Variants in ARHGAP6 observed in about 807,000 individuals in gnomAD.
The protein encoded by ARHGAP6 is Rho GTPase activating protein 6, also known as rho GTPase-activating protein 6.
A neutral mutation model predicts 55.7 loss-of-function variants in ARHGAP6; 16 were observed. That is an observed-to-expected ratio of 0.29 (90% CI 0.19 to 0.44). The LOEUF is 0.44. Ranked by LOEUF, ARHGAP6 falls within the 20% of genes least tolerant of loss-of-function variation. ARHGAP6 has a pLI of 1.00. For missense variants in ARHGAP6, 698 were observed against 808.9 expected, an observed-to-expected ratio of 0.86 and a Z score of 1.66; for synonymous variants, 382 against 360.9, an observed-to-expected ratio of 1.06 and a Z score of -0.66.
chrX:11,252,218 CAG>C (rs2047432786), intron 2 of ARHGAP6, among the ~76,000 whole-genome samples: 1 of 112,702 alleles, frequency 8.9e-6, no homozygotes, highest in African/African-American at 3.2e-5. Flanking sequence ...AACAAAGCCA[CAG>C]AGAGTATCTG....
chrX:11,211,867 G>C (rs1003191343), intron 2 of ARHGAP6, among the ~76,000 whole-genome samples: 1 of 111,756 alleles, frequency 8.9e-6, no homozygotes, highest in Non-Finnish European at 1.9e-5. Flanking sequence ...AATTGTATAT[G>C]GTAGAGGAAG....
chrX:11,349,020 T>C (rs2048822507), intron 1 of ARHGAP6, among the ~76,000 whole-genome samples: 1 of 108,820 alleles, frequency 9.2e-6, no homozygotes, highest in Non-Finnish European at 1.9e-5. Flanking sequence ...CCCTTAGATA[T>C]GTGGATAACT....
intron 1 of ARHGAP6, among the ~76,000 whole-genome samples, chrX:11,660,903 C>T (rs759847344): frequency 1.8e-5 from 2 of 111,159 alleles, no homozygotes; most frequent in Non-Finnish European, 3.8e-5. Context: ...AATCATCACC[C>T]GCCCCTCTCT....
chrX:11,444,131 C>T (rs1409615497), intron 1 of ARHGAP6, among the ~76,000 whole-genome samples: 1 of 111,611 alleles, frequency 9.0e-6, no homozygotes, highest in African/African-American at 3.3e-5. Flanking sequence ...GCCAGAGAGA[C>T]CACATTTTAG....
intron 1 of ARHGAP6, among the ~76,000 whole-genome samples, chrX:11,626,077 T>C (rs762900234): frequency 2.2e-4 from 25 of 111,623 alleles, no homozygotes; most frequent in Non-Finnish European, 2.5e-4. Context: ...ACTGACAAAC[T>C]AGTAAAATGG....
chrX:11,213,711 A>G (rs1242063887), intron 2 of ARHGAP6, among the ~76,000 whole-genome samples: 2 of 111,909 alleles, frequency 1.8e-5, no homozygotes, highest in African/African-American at 6.5e-5. Context: ...ACACAGGAAC[A>G]TAGAGAGTGG....
chrX:11,521,964 G>T (rs185636999), intron 1 of ARHGAP6, among the ~76,000 whole-genome samples: 12 of 111,404 alleles, frequency 1.1e-4, no homozygotes, highest in East Asian at 8.4e-4. Flanking sequence ...CTGTTTCTCT[G>T]TTATTGGTGT....
At position 11,417,734 on chromosome X, in the gene ARHGAP6, T is replaced by C. The variant is rs141492828; in HGVS notation, c.589-163027A>G. 1.2e-3 allele frequency among the ~76,000 whole-genome samples: 134 copies of C among 111,577 alleles called. 3 individuals are homozygous for C. The East Asian group carries it at 0.022, about 18-fold the overall frequency. ...CCTTAAGCCAATGGCATGTCAACAA[T>C]CACCCACTGCACAGTGATTCAAGCA... On this transcript the variant is annotated intron_variant, in intron 1 of 12. Transcript: ENST00000337414.
At chrX:11,633,113 T>C (rs12863001) in intron 1 of ARHGAP6, among the ~76,000 whole-genome samples, 1 of 112,363 alleles carries the variant, frequency 8.9e-6, no homozygotes, top group Non-Finnish European at 1.9e-5. Context: ...TCCACTACTG[T>C]TCTGGCTTCT....
intron 1 of ARHGAP6, among the ~76,000 whole-genome samples, chrX:11,487,829 C>G (rs1857854494): frequency 9.0e-6 from 1 of 111,096 alleles, no homozygotes; most frequent in South Asian, 3.8e-4. Flanking sequence ...TAATGGAATG[C>G]CAAATAATAA....
intron 1 of ARHGAP6, among the ~76,000 whole-genome samples, chrX:11,620,804 G>C (rs1487851074): frequency 8.9e-6 from 1 of 112,112 alleles, no homozygotes; most frequent in African/African-American, 3.2e-5. Context: ...TTAGTGAGTA[G>C]AGGCTGGGGA....
chrX:11,577,076 A>G (rs905725460), intron 1 of ARHGAP6, among the ~76,000 whole-genome samples: 1 of 112,104 alleles, frequency 8.9e-6, no homozygotes, highest in Non-Finnish European at 1.9e-5. Context: ...TGTGATTACA[A>G]TGGGCACACC....
intron 1 of ARHGAP6, among the ~76,000 whole-genome samples, chrX:11,608,384 A>G (rs1361501399): frequency 1.4e-4 from 16 of 112,008 alleles, no homozygotes; most frequent in African/African-American, 4.9e-4. Context: ...GGCTCAAAAT[A>G]GGTGCCTAGT....
chrX:11,654,547 T>C (rs2052618141), intron 1 of ARHGAP6, among the ~76,000 whole-genome samples: 1 of 111,877 alleles, frequency 8.9e-6, no homozygotes, highest in Non-Finnish European at 1.9e-5. Context: ...GGCTTTTTAA[T>C]AGTTCAGGTG....
chrX:11,288,685 A>G (rs184703187), intron 1 of ARHGAP6, among the ~76,000 whole-genome samples: 284 of 111,408 alleles, frequency 2.5e-3, no homozygotes, highest in South Asian at 8.8e-3. Context: ...AACCCCTGGC[A>G]ACCATGAATC....
At chrX:11,183,146 G>C (rs2147338502) in intron 5 of ARHGAP6, among the ~76,000 whole-genome samples, 1 of 110,730 alleles carries the variant, frequency 9.0e-6, no homozygotes, top group South Asian at 3.9e-4. Context: ...TCGGGTGATG[G>C]GTGCACCAAA....
intron 2 of ARHGAP6, among the ~76,000 whole-genome samples, chrX:11,228,050 G>A (rs2047079984): frequency 9.0e-6 from 1 of 111,250 alleles, no homozygotes; most frequent in African/African-American, 3.3e-5. Context: ...TTTGTTGAGG[G>A]ACTAGTATAT....
chrX:11,288,160 G>T (rs764763668), intron 1 of ARHGAP6, among the ~76,000 whole-genome samples: 38 of 112,220 alleles, frequency 3.4e-4, no homozygotes, highest in Non-Finnish European at 5.8e-4. Context: ...TATATCCATT[G>T]TTCATAGTTG....
At chrX:11,145,774 TG>T (rs1177017619) in intron 10 of ARHGAP6, among the ~76,000 whole-genome samples, 6 of 112,450 alleles carry the variant, frequency 5.3e-5, no homozygotes, top group Admixed American at 4.7e-4. Flanking sequence ...AGATGGCCAC[TG>T]CAAATCAGTA....
Sources: allele counts gnomAD v4.1 joint callset (sites outside exome capture counted in the v4.1 genomes callset), GRCh38; gene constraint gnomAD v4.1.1; transcripts MANE v1.5; gene names NCBI Gene and HGNC (gene_info 2026-07-23, HGNC 2026-07-21).